The following SPATS2L variants were observed in gnomAD, a reference collection of about 807,000 sequenced individuals.
The protein encoded by SPATS2L is spermatogenesis associated serine rich 2 like.
Under a neutral mutation model 59.6 loss-of-function variants are expected in SPATS2L, and 30 were observed. That is an observed-to-expected ratio of 0.50 (90% CI 0.38 to 0.68). The LOEUF (loss-of-function observed/expected upper bound fraction) is 0.68. Among genes scored for constraint, SPATS2L ranks in the 30% least tolerant of loss-of-function variants. SPATS2L has a pLI of 0.00. For synonymous variants in SPATS2L, 252 were observed against 263.5 expected, an observed-to-expected ratio of 0.96 and a Z score of 0.42; for missense variants, 615 against 700.0, an observed-to-expected ratio of 0.88 and a Z score of 1.37.
At chr2:200,392,291 G>A (rs879866069) in intron 3 of SPATS2L, among the ~76,000 whole-genome samples, 2 of 152,148 alleles carry the variant, frequency 1.3e-5, no homozygotes, top group Non-Finnish European at 2.9e-5. Flanking sequence ...GGCCAATGAT[G>A]TAAGCAGTCA....
chr2:200,440,897 T>TC, intron 8 of SPATS2L, 113 bp downstream of exon 8: 1 of 1,222,668 alleles, frequency 8.2e-7, no homozygotes, highest in East Asian at 2.4e-5. Flanking sequence ...ACAGAATAAC[T>TC]CTCCAGCAAA....
At chr2:200,383,663 A>G (rs1251421795) in intron 2 of SPATS2L, among the ~76,000 whole-genome samples, 1 of 152,206 alleles carries the variant, frequency 6.6e-6, no homozygotes, top group Non-Finnish European at 1.5e-5. Flanking sequence ...TCTCTAAGTC[A>G]TACGTCATGA....
At chr2:200,339,651 T>A (rs2080256709) in intron 2 of SPATS2L, among the ~76,000 whole-genome samples, 3 of 152,226 alleles carry the variant, frequency 2.0e-5, no homozygotes, top group African/African-American at 7.2e-5. Context: ...TTTATAGGTT[T>A]AAAAACATGC....
chr2:200,310,636 G>A (rs775459647), intron 1 of SPATS2L, among the ~76,000 whole-genome samples: 1 of 152,128 alleles, frequency 6.6e-6, no homozygotes, highest in Non-Finnish European at 1.5e-5. Flanking sequence ...TACTTTCCAT[G>A]GCCTCCCCCA....
At chr2:200,463,081 C>T (rs538979291) in intron 9 of SPATS2L, among the ~76,000 whole-genome samples, 2 of 152,152 alleles carry the variant, frequency 1.3e-5, no homozygotes, top group Non-Finnish European at 2.9e-5. Flanking sequence ...TACCCCAACC[C>T]GCTCATATTA....
chr2:200,436,290 T>C (rs2084287760), intron 6 of SPATS2L, among the ~76,000 whole-genome samples: 1 of 152,198 alleles, frequency 6.6e-6, no homozygotes, highest in Non-Finnish European at 1.5e-5. Flanking sequence ...TTTTACTATA[T>C]TTGAAGACAG....
intron 8 of SPATS2L, among the ~76,000 whole-genome samples, chr2:200,444,772 A>C (rs1006817446): frequency 6.6e-6 from 1 of 152,002 alleles, no homozygotes; most frequent in African/African-American, 2.4e-5. Context: ...TGCGTCTTAG[A>C]GTTTCCTCCT....
At chr2:200,315,840 C>T (rs1428486437) in intron 1 of SPATS2L, among the ~76,000 whole-genome samples, 2 of 137,960 alleles carry the variant, frequency 1.4e-5, no homozygotes, top group African/African-American at 5.3e-5. Flanking sequence ...GGTGAAACCC[C>T]GTCTCACCAA....
chr2:200,386,060 C>T (rs1053716392), intron 2 of SPATS2L, among the ~76,000 whole-genome samples: 12 of 152,186 alleles, frequency 7.9e-5, no homozygotes, highest in African/African-American at 2.9e-4. Flanking sequence ...ACTAGTTCCC[C>T]ATTGCCTCTG....
At chr2:200,457,523 C>A (rs1011734246) in intron 8 of SPATS2L, among the ~76,000 whole-genome samples, 1 of 152,210 alleles carries the variant, frequency 6.6e-6, no homozygotes, top group African/African-American at 2.4e-5. Flanking sequence ...ATATTTAAAA[C>A]ACACTGACAT....
At chr2:200,358,862 C>G (rs549701397) in intron 2 of SPATS2L, among the ~76,000 whole-genome samples, 1 of 152,148 alleles carries the variant, frequency 6.6e-6, no homozygotes, top group African/African-American at 2.4e-5. Flanking sequence ...GCAGTGCACA[C>G]CTGTGGTCCT....
chr2:200,357,997 C>T (rs1233637509), intron 2 of SPATS2L, among the ~76,000 whole-genome samples: 1 of 152,100 alleles, frequency 6.6e-6, no homozygotes. Context: ...TGTTAAGCAG[C>T]TACTGTTCTG....
At chr2:200,350,544 T>C (rs545513559) in intron 2 of SPATS2L, among the ~76,000 whole-genome samples, 4 of 152,318 alleles carry the variant, frequency 2.6e-5, no homozygotes, top group African/African-American at 9.6e-5. Flanking sequence ...TTTTATTTTT[T>C]GAGATGGAGT....
At chr2:200,445,821 G>T (rs2084997655) in intron 8 of SPATS2L, among the ~76,000 whole-genome samples, 1 of 147,796 alleles carries the variant, frequency 6.8e-6, no homozygotes, top group African/African-American at 2.5e-5. Context: ...GTGATTCCTG[G>T]CTTTCCAAAC....
At chr2:200,410,981 A>T (rs2082856510) in intron 3 of SPATS2L, among the ~76,000 whole-genome samples, 1 of 150,572 alleles carries the variant, frequency 6.6e-6, no homozygotes, top group Non-Finnish European at 1.5e-5. Flanking sequence ...GAGAATAGAA[A>T]ATCAATTTGT....
At chr2:200,384,694 G>A (rs896585090) in intron 2 of SPATS2L, among the ~76,000 whole-genome samples, 1 of 152,182 alleles carries the variant, frequency 6.6e-6, no homozygotes, top group Non-Finnish European at 1.5e-5. Context: ...TATAGATGAT[G>A]TATTAAAATG....
At chr2:200,353,659 A>C (rs1004080849) in intron 2 of SPATS2L, among the ~76,000 whole-genome samples, 1 of 152,074 alleles carries the variant, frequency 6.6e-6, no homozygotes, top group Non-Finnish European at 1.5e-5. Context: ...AATCTGACTT[A>C]GTTTAGCTTA....
chr2:200,381,529 G>A (rs950795370), intron 2 of SPATS2L, among the ~76,000 whole-genome samples: 1 of 152,162 alleles, frequency 6.6e-6, no homozygotes, highest in Non-Finnish European at 1.5e-5. Flanking sequence ...GAGCACTGCT[G>A]TCTGCTAAGG....
intron 3 of SPATS2L, among the ~76,000 whole-genome samples, chr2:200,400,237 C>T (rs977956543): frequency 2.0e-5 from 3 of 152,096 alleles, no homozygotes; most frequent in African/African-American, 7.2e-5. Flanking sequence ...AGAATATTTA[C>T]CTAAGTCCTA....
Sources: gnomAD v4.1 joint callset for allele counts (sites outside exome capture counted in the v4.1 genomes callset) on GRCh38, gnomAD v4.1.1 for gene constraint, MANE v1.5 for transcripts, NCBI Gene and HGNC (gene_info 2026-07-23, HGNC 2026-07-21) for gene names.